ZDHHC24: variants seen among roughly 807,000 people sequenced by gnomAD.
The protein encoded by ZDHHC24 is probable palmitoyltransferase ZDHHC24.
Under a neutral mutation model 23.2 loss-of-function variants are expected in ZDHHC24, and 17 were observed. The ratio of observed to expected loss-of-function variants is 0.73; its 90% CI spans 0.50 to 1.10. The LOEUF is 1.10. Ranked by LOEUF, ZDHHC24 falls within the 50% of genes least tolerant of loss-of-function variation. The pLI is 0.00. For missense variants in ZDHHC24, 366 were observed against 393.0 expected (o/e 0.93, Z 0.58); for synonymous variants, 186 against 194.5 (o/e 0.96, Z 0.36).
chr11:66,530,856 C>T (rs751456406), downstream of ZDHHC24: 20 of 1,614,090 alleles, frequency 1.2e-5, no homozygotes, highest in Non-Finnish European at 1.7e-5. Flanking sequence ...CCAAGGCTGC[C>T]AGGTCCTAAG....
At chr11:66,531,215 C>T (rs1486311899), downstream of ZDHHC24, among the ~76,000 whole-genome samples, 1 of 152,194 alleles carries the variant, frequency 6.6e-6, no homozygotes, top group East Asian at 1.9e-4. Context: ...GAGCCCCAAG[C>T]CCTGCCTCTG....
At position 66,535,933 on chromosome 11, in the gene ZDHHC24, T is replaced by C. The variant is rs1856951254; in HGVS notation, c.*3596A>G. 6.6e-6 allele frequency: 1 copy of C among 152,174 alleles called. No individual in the cohort carries two copies. Among genetic ancestry groups the C allele is most frequent in the Non-Finnish European group, 1.5e-5 (1 of 68,034 alleles). The allele number at this position is 152,174 out of a possible 1,614,324, so 9.4% of individuals were successfully genotyped here. ...AATTATTGTATTTTCAATGGATCAC[T>C]AGGCAGCAGGGAAAAGGAATGCCAT... On this transcript the variant is annotated 3_prime_UTR_variant, in exon 3 of 3. Transcript: ENST00000310442.
At chr11:66,531,163 C>A, downstream of ZDHHC24, 2 of 1,256,972 alleles carry the variant, frequency 1.6e-6, no homozygotes, top group Non-Finnish European at 2.3e-6. Flanking sequence ...CCTACTCTCC[C>A]ACCACAGACC....
chr11:66,523,608 C>A (rs775261434), intron 4 of ZDHHC24: 1 of 1,613,808 alleles, frequency 6.2e-7, no homozygotes, highest in African/African-American at 1.3e-5. Context: ...AGCCCCTCCA[C>A]GCCTATGTCC....
At position 66,539,335 on chromosome 11, in the gene ZDHHC24, T is replaced by A; in HGVS notation, c.*194A>T. The A allele has an allele frequency of 7.7e-7, 1 of 1,299,646 alleles. No individual in the cohort carries two copies. Among genetic ancestry groups the A allele is most frequent in the South Asian group, 2.6e-5 (1 of 38,494 alleles). The allele number at this position is 1,299,646 out of a possible 1,614,324, so 80.5% of individuals were successfully genotyped here. On this transcript the variant is annotated 3_prime_UTR_variant, in exon 3 of 3. Coordinates refer to ENST00000310442, the MANE Select transcript of ZDHHC24 (RefSeq NM_207340.3). ...CTGAGCAGCCCCTGCCAGACCCTCC[T>A]CTGCACTCCTCTGCCTAAGTCACGG...
chr11:66,536,772 G>C lies in ZDHHC24; in HGVS notation c.*2757C>G, dbSNP rs1856981291. The C allele has an allele frequency of 6.6e-6, 1 of 151,830 alleles. No individual in the cohort carries two copies. The highest frequency in any genetic ancestry group is 2.4e-5 in the African/African-American group (1 of 41,378). 9.4% of individuals were successfully genotyped at this position (151,830 alleles called of 1,614,324 possible). A position where few individuals can be genotyped will look rare whatever the true frequency, so the allele number is the denominator to read the frequency against. On this transcript the variant is annotated 3_prime_UTR_variant, in exon 3 of 3. Transcript: ENST00000310442. ...TGCCTGTAATCCCAGCTACCGAGAGGCTGCAGCAGGAGAATCGCTTGAACC... is the reference window on the plus strand; with the variant it reads ...TGCCTGTAATCCCAGCTACCGAGAGCCTGCAGCAGGAGAATCGCTTGAACC...
At chr11:66,527,843 G>A (rs1202122289) in intron 3 of ZDHHC24, 1 of 152,392 alleles carries the variant, frequency 6.6e-6, no homozygotes, top group African/African-American at 2.4e-5. Context: ...TCAGAGCGAG[G>A]TGACTTTGGG....
At position 66,528,985 on chromosome 11, in the gene ZDHHC24, AAAAAGGAAG is replaced by A. The variant is rs1282299703; in HGVS notation, c.736+318_736+326del. 3.9e-5 allele frequency: 29 copies of A among 744,022 alleles called. No homozygotes were observed. The African/African-American group carries it at 5.5e-4, about 14-fold the overall frequency. The allele number at this position is 744,022 out of a possible 1,614,324, so 46.1% of individuals were successfully genotyped here. The stretch of plus-strand genomic sequence containing the variant: ...CTCTGTCTCAAAAAAAAAAAAAAAA[AAAAAGGAAG>A]AAAATCAGACCTTTTCTTCATACCA... On this transcript the variant is annotated intron_variant, in intron 3 of 4. Coordinates refer to the ZDHHC24 transcript ENST00000526986.
At chr11:66,540,835 G>T (rs1320602975) in intron 2 of ZDHHC24, among the ~76,000 whole-genome samples, 1 of 152,160 alleles carries the variant, frequency 6.6e-6, no homozygotes, top group African/African-American at 2.4e-5. Context: ...CGGACTACGA[G>T]AGGCCATGAA....
At chr11:66,541,691 C>T (rs536014893) in intron 2 of ZDHHC24, among the ~76,000 whole-genome samples, 84 of 152,228 alleles carry the variant, frequency 5.5e-4, no homozygotes, top group Non-Finnish European at 8.1e-4. Flanking sequence ...GGAAGGTGAA[C>T]GCACCAAGGT....
downstream of ZDHHC24, among the ~76,000 whole-genome samples, chr11:66,535,123 C>T (rs1403053378): frequency 1.3e-5 from 2 of 152,076 alleles, no homozygotes; most frequent in East Asian, 3.8e-4. Flanking sequence ...GAATTCCTGA[C>T]CTCAGGTGAT....
Position 66,545,895 on chromosome 11 carries a change from G to T in ZDHHC24, c.109C>A (p.Leu37Met). Residue 37 changes from leucine to methionine, a missense_variant, in exon 1 of 3, where the codon CTG becomes ATG. Physicochemically the swap from Leu to Met is conservative, Grantham distance 15. Transcript: ENST00000310442. The surrounding 1 kb of genome is among the most constrained non-coding windows in gnomAD (Gnocchi z 4.5). ...AAVGLELAYV[L>M]VLGPGPPPLG... ...GGCGGCGGCCCGGGACCGAGCACCA[G>T]CACGTAAGCCAGCTCCAGGCCCACG... 1 of 1,542,762 alleles carries T rather than the reference G, an allele frequency of 6.5e-7. No homozygotes were observed. The highest frequency in any genetic ancestry group is 8.7e-7 in the Non-Finnish European group (1 of 1,151,220).
At chr11:66,531,751 C>T (rs756514477), downstream of ZDHHC24, 41 of 1,613,836 alleles carry the variant, frequency 2.5e-5, no homozygotes, top group East Asian at 3.6e-4. Flanking sequence ...AGGTAGGCCC[C>T]GCACTTGTAC....
intron 4 of ZDHHC24, chr11:66,524,153 A>C: frequency 2.2e-6 from 1 of 449,976 alleles, no homozygotes; most frequent in South Asian, 2.0e-5. Context: ...GGTGGTGCGT[A>C]CCTGTAATCC....
intron 4 of ZDHHC24, among the ~76,000 whole-genome samples, chr11:66,525,316 G>A (rs562776969): frequency 2.6e-4 from 39 of 150,470 alleles, no homozygotes; most frequent in Admixed American, 1.2e-3. Flanking sequence ...CTGAGATCGC[G>A]CCACTGCACT....
At chr11:66,523,906 C>T in intron 4 of ZDHHC24, 2 of 1,611,700 alleles carry the variant, frequency 1.2e-6, no homozygotes, top group Non-Finnish European at 1.7e-6. Context: ...CCGGCATCTG[C>T]CACTCACTCC....
intron 2 of ZDHHC24, chr11:66,529,702 C>G: frequency 7.5e-7 from 1 of 1,333,946 alleles, no homozygotes; most frequent in South Asian, 1.2e-5. Flanking sequence ...CAGACTCCTC[C>G]TGCAGCACCC....
chr11:66,539,496 T>G lies in ZDHHC24; in HGVS notation c.*33A>C. 1 of 1,499,914 alleles carries G rather than the reference T, an allele frequency of 6.7e-7. No individual in the cohort carries two copies. The allele number at this position is 1,499,914 out of a possible 1,614,324, so 92.9% of individuals were successfully genotyped here. A position where few individuals can be genotyped will look rare whatever the true frequency, so the allele number is the denominator to read the frequency against. On this transcript the variant is annotated 3_prime_UTR_variant, in exon 3 of 3. Transcript: ENST00000310442. ...GGTGTGGGGGCCCCCCTCTCACCCC[T>G]TCCTCCCTGCACAGCTCTGGCTCTT...
chr11:66,541,919 C>T (rs746166677), intron 2 of ZDHHC24, among the ~76,000 whole-genome samples: 13 of 151,824 alleles, frequency 8.6e-5, no homozygotes, highest in Middle Eastern at 3.4e-3. Flanking sequence ...GCAGGGCAAG[C>T]GCTGGAGGAG....
Sources: gnomAD v4.1 joint callset for allele counts (sites outside exome capture counted in the v4.1 genomes callset) on GRCh38, gnomAD v4.1.1 for gene constraint, Gnocchi (gnomAD v3.1) non-coding constraint, MANE v1.5 for transcripts, NCBI Gene and HGNC (gene_info 2026-07-23, HGNC 2026-07-21) for gene names.